The following DIP2B variants were observed in gnomAD, a reference collection of about 807,000 sequenced individuals.
DIP2B encodes the protein disco-interacting protein 2 homolog B.
Under a neutral mutation model 198.0 loss-of-function variants are expected in DIP2B, and 76 were observed. That is an observed-to-expected ratio of 0.38 (90% CI 0.32 to 0.46). The LOEUF (loss-of-function observed/expected upper bound fraction) is 0.46. DIP2B is among the 20% of genes least tolerant of loss of function. The pLI, the probability that DIP2B is intolerant of heterozygous loss-of-function variation, is 0.99. For synonymous variants in DIP2B, 701 were observed against 739.1 expected (o/e 0.95, Z 0.84); for missense variants, 1,559 against 1,978.4 (o/e 0.79, Z 4.02).
chr12:50,513,700 C>T (rs1471609116), intron 1 of DIP2B, among the ~76,000 whole-genome samples: 1 of 151,960 alleles, frequency 6.6e-6, no homozygotes, highest in Non-Finnish European at 1.5e-5. Flanking sequence ...ATGGTGAAAC[C>T]CCGTCTCTAC....
intron 5 of DIP2B, among the ~76,000 whole-genome samples, chr12:50,673,455 G>A (rs983939197): frequency 2.0e-5 from 3 of 152,154 alleles, no homozygotes; most frequent in Admixed American, 1.3e-4. Context: ...CTGTTGAACA[G>A]GGATCTTTTC....
At chr12:50,636,698 C>T (rs888400187) in intron 2 of DIP2B, among the ~76,000 whole-genome samples, 8 of 152,178 alleles carry the variant, frequency 5.3e-5, no homozygotes, top group Non-Finnish European at 7.3e-5. Context: ...TTCCCTGCAT[C>T]GGCTACTCTG....
At chr12:50,657,842 AG>A (rs1237006251) in intron 3 of DIP2B, among the ~76,000 whole-genome samples, 1 of 152,180 alleles carries the variant, frequency 6.6e-6, no homozygotes, top group Non-Finnish European at 1.5e-5. Context: ...AGGACAACTA[AG>A]TAGGATTTCC....
intron 1 of DIP2B, among the ~76,000 whole-genome samples, chr12:50,527,437 TTATTA>T (rs1396287694): frequency 6.6e-6 from 1 of 152,222 alleles, no homozygotes; most frequent in African/African-American, 2.4e-5. Flanking sequence ...TCTTATTTAC[TTATTA>T]TATTGTGAAC....
intron 9 of DIP2B, among the ~76,000 whole-genome samples, chr12:50,682,873 C>T (rs1002930902): frequency 2.0e-5 from 3 of 151,994 alleles, no homozygotes; most frequent in African/African-American, 7.3e-5. Context: ...TGCTAAATCA[C>T]CAAAAGGATT....
chr12:50,730,385 T>C (rs1184022518), intron 30 of DIP2B, among the ~76,000 whole-genome samples: 1 of 147,546 alleles, frequency 6.8e-6, no homozygotes, highest in Non-Finnish European at 1.5e-5. Flanking sequence ...TCTCTCTCTT[T>C]TTTTTTTTTT....
chr12:50,629,950 T>TAA (rs1397242636), intron 2 of DIP2B, among the ~76,000 whole-genome samples: 6 of 133,150 alleles, frequency 4.5e-5, no homozygotes, highest in Non-Finnish European at 8.6e-5. Flanking sequence ...AAATTTAATT[T>TAA]TTTTTTTTTT....
chr12:50,648,117 AAAAC>A (rs977866854), intron 3 of DIP2B, among the ~76,000 whole-genome samples: 40 of 152,236 alleles, frequency 2.6e-4, no homozygotes, highest in African/African-American at 8.2e-4. Flanking sequence ...CCGTCTCAAA[AAAAC>A]AAACAAACAA....
chr12:50,617,945 T>C (rs1937733325), intron 1 of DIP2B, among the ~76,000 whole-genome samples: 2 of 152,226 alleles, frequency 1.3e-5, no homozygotes, highest in African/African-American at 4.8e-5. Context: ...TGTTTGTTTA[T>C]GGACAACAGG....
At chr12:50,574,896 C>T (rs1386264689) in intron 1 of DIP2B, among the ~76,000 whole-genome samples, 3 of 152,200 alleles carry the variant, frequency 2.0e-5, no homozygotes, top group African/African-American at 7.2e-5. Context: ...GGGAATTTGT[C>T]CTTAGGCAGT....
At chr12:50,616,127 T>A (rs560350700) in intron 1 of DIP2B, among the ~76,000 whole-genome samples, 14 of 152,370 alleles carry the variant, frequency 9.2e-5, no homozygotes, top group African/African-American at 2.9e-4. Context: ...AGAAGTCACA[T>A]ATGTTTGACC....
At chr12:50,601,578 T>C (rs1958936975) in intron 1 of DIP2B, among the ~76,000 whole-genome samples, 1 of 152,142 alleles carries the variant, frequency 6.6e-6, no homozygotes, top group Non-Finnish European at 1.5e-5. Context: ...GACCTCGTGA[T>C]CCGCCCACCT....
At chr12:50,555,449 G>A (rs1958462042) in intron 1 of DIP2B, among the ~76,000 whole-genome samples, 1 of 152,052 alleles carries the variant, frequency 6.6e-6, no homozygotes, top group Non-Finnish European at 1.5e-5. Flanking sequence ...TTCAAATTTT[G>A]TCGCTGCTAT....
rs1938992398 is a variant in DIP2B, at chr12:50,678,895, A to G, written c.1114+19A>G. On this transcript the variant is annotated intron_variant, in intron 8 of 37. Transcript: ENST00000301180. ...ACATATGGTGAGTCTGCAAGATTCC[A>G]GATCCTTCTCTCCTGAGAGTTCTTC... 8 of 1,613,924 alleles carry G rather than the reference A, an allele frequency of 5.0e-6. No individual in the cohort carries two copies. Among genetic ancestry groups the G allele is most frequent in the Non-Finnish European group, 6.8e-6 (8 of 1,179,830 alleles).
chr12:50,741,657 G>A (rs776573493), intron 37 of DIP2B, 118 bp downstream of exon 37: 136 of 1,343,434 alleles, frequency 1.0e-4, no homozygotes, highest in Non-Finnish European at 1.4e-4. Flanking sequence ...CTCCATGGGA[G>A]GAGTAAGGAA....
At chr12:50,653,346 C>CTTTTT (rs34185073) in intron 3 of DIP2B, among the ~76,000 whole-genome samples, 232 of 76,488 alleles carry the variant, frequency 3.0e-3, no homozygotes, top group Non-Finnish European at 4.1e-3. Flanking sequence ...TTTTTCTTTT[C>CTTTTT]TTTTTTTTTT....
intron 1 of DIP2B, among the ~76,000 whole-genome samples, chr12:50,520,434 T>C (rs539899923): frequency 1.6e-4 from 24 of 152,340 alleles, no homozygotes; most frequent in African/African-American, 5.3e-4. Flanking sequence ...GCAAAGACAC[T>C]GTCTTAAAAT....
intron 26 of DIP2B, 28 bp from the exon 27 acceptor site, chr12:50,723,174 T>C: frequency 1.2e-6 from 2 of 1,613,092 alleles, no homozygotes; most frequent in South Asian, 1.1e-5. Flanking sequence ...GTTCAGTGAC[T>C]CTCCTGACAG....
intron 1 of DIP2B, among the ~76,000 whole-genome samples, chr12:50,609,652 A>C (rs895348120): frequency 4.6e-5 from 7 of 152,172 alleles, no homozygotes; most frequent in Non-Finnish European, 8.8e-5. Flanking sequence ...CATTGGCCAG[A>C]CCTTAGTAAT....
Sources: gnomAD v4.1 joint callset for allele counts (sites outside exome capture counted in the v4.1 genomes callset) on GRCh38, gnomAD v4.1.1 for gene constraint, MANE v1.5 for transcripts, NCBI Gene and HGNC (gene_info 2026-07-23, HGNC 2026-07-21) for gene names.